Variants in HERC5 observed in about 807,000 individuals in gnomAD.
The protein encoded by HERC5 is HECT and RLD domain containing E3 ubiquitin protein ligase 5, also known as E3 ISG15--protein ligase HERC5.
HERC5 carries 99 observed loss-of-function variants against 119.6 expected under a neutral mutation model. The ratio of observed to expected loss-of-function variants is 0.83; its 90% CI spans 0.70 to 0.98. HERC5 has a LOEUF of 0.98. HERC5 is among the 50% of genes least tolerant of loss of function. HERC5 has a pLI of 0.00. For synonymous variants in HERC5, 478 were observed against 445.9 expected, an observed-to-expected ratio of 1.07 and a Z score of -0.91; for missense variants, 1,267 against 1,241.3, an observed-to-expected ratio of 1.02 and a Z score of -0.31.
At chr4:88,501,837 C>T (rs914493165) in intron 20 of HERC5, among the ~76,000 whole-genome samples, 3 of 152,110 alleles carry the variant, frequency 2.0e-5, no homozygotes, top group Admixed American at 2.0e-4. Flanking sequence ...CTCGCTCTGT[C>T]ACCCAGGCTG....
chr4:88,502,526 G>A (rs180974960), intron 20 of HERC5, among the ~76,000 whole-genome samples: 1 of 152,182 alleles, frequency 6.6e-6, no homozygotes, highest in Non-Finnish European at 1.5e-5. Flanking sequence ...GCAGCCATCA[G>A]TGGGTGCCCA....
Position 88,486,232 on chromosome 4 carries a change from G to A in HERC5, c.1851+4G>A, listed in dbSNP as rs757720417. 33 of 1,533,828 alleles carry A rather than the reference G, an allele frequency of 2.2e-5. No individual in the cohort carries two copies. The highest frequency in any genetic ancestry group is 3.0e-5 in the Non-Finnish European group (33 of 1,114,920). On this transcript the variant is annotated splice_donor_region_variant and intron_variant, in intron 14 of 22. Transcript: ENST00000264350. Reference sequence around the variant, plus strand: ...GTACTTGTGGAAAATGACTGTGGTAGGTATAGCATGTTTAAAGGGGGAAAT... The same window carrying A: ...GTACTTGTGGAAAATGACTGTGGTAAGTATAGCATGTTTAAAGGGGGAAAT...
chr4:88,495,397 A>C (rs762624638), intron 18 of HERC5, among the ~76,000 whole-genome samples: 2 of 152,016 alleles, frequency 1.3e-5, no homozygotes, highest in Non-Finnish European at 2.9e-5. Context: ...AAAACAAACA[A>C]ACAAAAACAA....
At position 88,470,798 on chromosome 4, in the gene HERC5, A is replaced by T. The variant is rs369873265; in HGVS notation, c.1298+125A>T. The stretch of plus-strand genomic sequence containing the variant: ...CTTTTTAAAAATTTTTTTTAACAAA[A>T]GTAAATATATGTTTGCTGTAGAAAA... On this transcript the variant is annotated intron_variant, in intron 10 of 22. Transcript: ENST00000264350. 4.4e-5 allele frequency: 20 copies of T among 459,210 alleles called. No homozygotes were observed. In the South Asian group the frequency reaches 6.3e-4, roughly 14 times the overall value. 28.4% of individuals were successfully genotyped at this position (459,210 alleles called of 1,614,324 possible). A position where few individuals can be genotyped will look rare whatever the true frequency, so the allele number is the denominator to read the frequency against.
chr4:88,497,438 A>G (rs778106332), intron 18 of HERC5, among the ~76,000 whole-genome samples: 5 of 152,214 alleles, frequency 3.3e-5, no homozygotes, highest in Non-Finnish European at 7.3e-5. Flanking sequence ...AAATTGGAGG[A>G]GAGGTGCTCC....
chr4:88,471,648 A>AT lies in HERC5; in HGVS notation c.1299-758dup, dbSNP rs1353766082. 3.9e-5 allele frequency among the ~76,000 whole-genome samples: 6 copies of AT among 152,254 alleles called. No individual in the cohort carries two copies. The South Asian group carries it at 8.3e-4, about 21-fold the overall frequency. On this transcript the variant is annotated intron_variant, in intron 10 of 22. Coordinates refer to ENST00000264350, the MANE Select transcript of HERC5 (RefSeq NM_016323.4). ...GCTACCGCACCCAGCCGGTAACATA[A>AT]TTTAATGGCTGCATGACCTTCCATT...
At chr4:88,483,144 T>C (rs767252050) in intron 13 of HERC5, among the ~76,000 whole-genome samples, 38 of 152,336 alleles carry the variant, frequency 2.5e-4, no homozygotes, top group Non-Finnish European at 4.3e-4. Context: ...AAAGGAAATT[T>C]TTTTTCATGG....
chr4:88,502,095 G>T (rs914626415), intron 20 of HERC5, among the ~76,000 whole-genome samples: 12 of 152,184 alleles, frequency 7.9e-5, no homozygotes, highest in Admixed American at 1.3e-4. Context: ...ACTGCGCCCG[G>T]CCTATCTGTA....
intron 11 of HERC5, among the ~76,000 whole-genome samples, 188 bp from the exon 12 acceptor site, chr4:88,475,653 C>A (rs1447796819): frequency 6.6e-6 from 1 of 152,040 alleles, no homozygotes; most frequent in African/African-American, 2.4e-5. Context: ...TTGTATATCC[C>A]AAATACCTCC....
rs1560603138 is a variant in HERC5 at position 88,472,482 on chromosome 4, A to G, written c.1372A>G (p.Lys458Glu). The part of the protein sequence containing the change: ...ARNIFKELTQ[K>E]DWITNMITTC... ...AAACATCTTCAAGGAGTTAACCCAA[A>G]AGGACTGGATTACTAACATGGTATC... The change falls in exon 11 of 23, where the codon AAG becomes GAG. Residue 458 changes from lysine (K) to glutamate (E), a missense_variant. Around this residue, in one of 3 missense-constraint regions of HERC5, gnomAD observed 777 missense variants for 758.0 expected, o/e 1.03. Coordinates refer to ENST00000264350, the MANE Select transcript of HERC5 (RefSeq NM_016323.4). 1 of 1,586,816 alleles carries G rather than the reference A, an allele frequency of 6.3e-7. No individual in the cohort carries two copies. Among genetic ancestry groups the G allele is most frequent in the Non-Finnish European group, 8.6e-7 (1 of 1,157,124 alleles).
At chr4:88,487,302 G>T in intron 15 of HERC5, 123 bp downstream of exon 15, 1 of 577,692 alleles carries the variant, frequency 1.7e-6, no homozygotes, top group East Asian at 3.0e-5. Flanking sequence ...TGGCATTCAA[G>T]GAGCTTATAC....
intron 5 of HERC5, 56 bp from the exon 6 acceptor site, chr4:88,463,799 A>G (rs932098857): frequency 5.0e-6 from 8 of 1,589,738 alleles, no homozygotes; most frequent in Non-Finnish European, 6.0e-6. Flanking sequence ...GCATCAGTGA[A>G]TACTACTTTT....
At chr4:88,500,893 C>G (rs957275992) in intron 19 of HERC5, 22 bp from the exon 20 acceptor site, 2 of 1,571,218 alleles carry the variant, frequency 1.3e-6, no homozygotes, top group South Asian at 1.1e-5. Context: ...GAGATATTAT[C>G]TGAGTTCATT....
At chr4:88,476,659 G>A (rs1741075451) in intron 12 of HERC5, among the ~76,000 whole-genome samples, 1 of 152,170 alleles carries the variant, frequency 6.6e-6, no homozygotes, top group Admixed American at 6.5e-5. Flanking sequence ...GGTGGCTCAT[G>A]CCTGTAATCT....
Position 88,504,508 on chromosome 4 carries a change from A to G in HERC5, c.2780A>G (p.Glu927Gly). The G allele has an allele frequency of 6.3e-7, 1 of 1,578,010 alleles. No individual in the cohort carries two copies. The change falls in exon 22 of 23, where the codon GAA becomes GGA. Residue 927 changes from glutamate (E) to glycine (G), a missense_variant. Glu to Gly is a moderately conservative substitution (Grantham distance 98). Coordinates refer to ENST00000264350, the MANE Select transcript of HERC5 (RefSeq NM_016323.4). ...WKTFEKNARYEPGYNSSHPTI... is the reference protein window; with the variant it reads ...WKTFEKNARYGPGYNSSHPTI... Reference sequence around the variant, plus strand: ...TATTTTCTCTAGAATGCACGTTATGAACCAGGATATAACAGTTCACATCCC... The same window carrying G: ...TATTTTCTCTAGAATGCACGTTATGGACCAGGATATAACAGTTCACATCCC...
rs1269059233 is a variant in HERC5, at chr4:88,487,130, A to G, written c.1913A>G (p.Asn638Ser). 6.2e-7 allele frequency: 1 copy of G among 1,611,042 alleles called. No homozygotes were observed. Among genetic ancestry groups the G allele is most frequent in the Non-Finnish European group, 8.5e-7 (1 of 1,177,846 alleles). Residue 638 changes from asparagine (N) to serine (S), a missense_variant, in exon 15 of 23, where the codon AAT becomes AGT. By Grantham distance (46) the Asn-to-Ser change is conservative. Around this residue, in one of 3 missense-constraint regions of HERC5, gnomAD observed 17 missense variants for 37.7 expected, o/e 0.45. Coordinates refer to ENST00000264350, the MANE Select transcript of HERC5 (RefSeq NM_016323.4). The part of the protein sequence containing the change: ...IFSHFPFIFN[N>S]LSKIKLLHTD... ...AGTCACTTTCCATTTATCTTTAATA[A>G]TCTGTCGAAAATTAAACTACTACAT...
chr4:88,504,288 T>A lies in HERC5; in HGVS notation c.2639T>A (p.Val880Asp). The change falls in exon 21 of 23, where the codon GTT becomes GAT. Residue 880 changes from valine (V) to aspartate (D), a missense_variant. Coordinates refer to ENST00000264350, the MANE Select transcript of HERC5 (RefSeq NM_016323.4). ...ATTTTCAACGACTCTGTAAAGGCGG[T>A]TTATGAAGAATTTCGGAGAGGATTT... ...NYIFNDSVKA[V>D]YEEFRRGFYK... 1.2e-6 allele frequency: 2 copies of A among 1,612,502 alleles called. No homozygotes were observed. Among genetic ancestry groups the A allele is most frequent in the Non-Finnish European group, 1.7e-6 (2 of 1,178,680 alleles).
At chr4:88,484,698 G>C (rs1159321000) in intron 13 of HERC5, among the ~76,000 whole-genome samples, 1 of 151,964 alleles carries the variant, frequency 6.6e-6, no homozygotes, top group African/African-American at 2.4e-5. Flanking sequence ...AACCCTTTTC[G>C]GTCTCAGACT....
In HERC5 at chr4:88,470,890, C is replaced by T. The variant is rs188388742; in HGVS notation, c.1298+217C>T. ...ATAATCCATCACTTAAGAGTAATAG[C>T]TAGCACTTACGTATATGATTATATT... is the stretch of plus-strand genomic sequence containing the variant. On this transcript the variant is annotated intron_variant, in intron 10 of 22. Transcript: ENST00000264350. Among the ~76,000 whole-genome samples the T allele has an allele frequency of 1.8e-3, 267 of 151,828 alleles. 2 individuals carry two copies. The highest frequency in any genetic ancestry group is 0.014 in the Middle Eastern group (4 of 292).
Sources: gnomAD v4.1 joint callset for allele counts (sites outside exome capture counted in the v4.1 genomes callset) on GRCh38, gnomAD v4.1.1 for gene constraint, gnomAD v4.1.1 regional missense constraint, MANE v1.5 for transcripts, NCBI Gene and HGNC (gene_info 2026-07-23, HGNC 2026-07-21) for gene names.